VWF: variants seen among roughly 807,000 people sequenced by gnomAD.
The protein encoded by VWF is Factor VIII related antigen.
A neutral mutation model predicts 308.6 loss-of-function variants in VWF; 176 were observed. That is an observed-to-expected ratio of 0.57 (90% CI 0.50 to 0.65). The LOEUF (loss-of-function observed/expected upper bound fraction) is 0.65, where lower values mean the gene tolerates loss of function less well. VWF is among the 30% of genes least tolerant of loss of function. VWF has a pLI of 0.00. For missense variants in VWF, 3,146 were observed against 3,648.2 expected (o/e 0.86, Z 3.55); for synonymous variants, 1,385 against 1,443.4 (o/e 0.96, Z 0.92).
intron 2 of VWF, among the ~76,000 whole-genome samples, chr12:6,122,088 A>T (rs889294221): frequency 3.5e-4 from 53 of 152,182 alleles, no homozygotes; most frequent in Admixed American, 6.5e-5. Flanking sequence ...TAAATTGGTG[A>T]CCAACTTGTG....
At chr12:5,951,240 G>C (rs1943186603) in intron 50 of VWF, among the ~76,000 whole-genome samples, 1 of 152,176 alleles carries the variant, frequency 6.6e-6, no homozygotes, top group Non-Finnish European at 1.5e-5. Context: ...CTCCAAAGCT[G>C]CTGCTGTGAG....
chr12:6,056,205 G>A (rs1944576682), intron 15 of VWF, among the ~76,000 whole-genome samples: 1 of 141,084 alleles, frequency 7.1e-6, no homozygotes, highest in Non-Finnish European at 1.5e-5. Flanking sequence ...AGTAAGTTTG[G>A]AGTTCCACAT....
Position 6,016,193 on chromosome 12 carries a change from T to A in VWF, c.5351A>T (p.Glu1784Val). Residue 1784 changes from glutamate to valine, a missense_variant, in exon 31 of 52, where the codon GAA becomes GTA. Physicochemically the swap from Glu to Val is moderately radical, Grantham distance 121. Around this residue, in one of 3 missense-constraint regions of VWF, gnomAD observed 853 missense variants for 1,177.8 expected, o/e 0.72. Transcript: ENST00000261405. ...LGFAVRYLTSEMHGARPGASK... is the reference protein window; with the variant it reads ...LGFAVRYLTSVMHGARPGASK... ...GGCTCCCGGCCTGGCACCATGCATTTCTGAAGTCAAGTATCGCACAGCAAA... is the reference window on the plus strand; with the variant it reads ...GGCTCCCGGCCTGGCACCATGCATTACTGAAGTCAAGTATCGCACAGCAAA... 6.2e-7 allele frequency: 1 copy of A among 1,614,164 alleles called. No homozygotes were observed. Among genetic ancestry groups the A allele is most frequent in the South Asian group, 1.1e-5 (1 of 91,076 alleles).
chr12:6,011,756 G>T lies in VWF; in HGVS notation c.5703C>A (p.Thr1901=), dbSNP rs779743771. The change falls in exon 34 of 52, where the codon ACC becomes ACA. Residue 1901 remains threonine, a synonymous_variant. Transcript: ENST00000261405. Reference sequence around the variant, plus strand: ...TCTGGCCATCTGGCTGGCAAGTCACGGTGTGGCACTGGTCTGGCAAGGTCC... The same window carrying T: ...TCTGGCCATCTGGCTGGCAAGTCACTGTGTGGCACTGGTCTGGCAAGGTCC... ...DVWTLPDQCH[T]VTCQPDGQTL... is the part of the protein sequence containing the mutation. 4 of 1,613,210 alleles carry T rather than the reference G, an allele frequency of 2.5e-6. No individual in the cohort carries two copies. In the African/African-American group the frequency reaches 5.3e-5, roughly 22 times the overall value.
At position 6,036,769 on chromosome 12, in the gene VWF, G is replaced by C. The variant is rs181566589; in HGVS notation, c.2443-278C>G. ...GACACTGACTGCCCTCTGCCCTCTC[G>C]TGCCCTGCTGGGGCACTGTAACCTG... On this transcript the variant is annotated intron_variant, in intron 18 of 51. Transcript: ENST00000261405. Among the ~76,000 whole-genome samples, 539 of 152,280 alleles carry C rather than the reference G, an allele frequency of 3.5e-3. 1 individual carries two copies. The highest frequency in any genetic ancestry group is 0.012 in the African/African-American group (498 of 41,552).
In VWF at chr12:6,024,804, A is replaced by T. The variant is rs1944171534; in HGVS notation, c.3222+776T>A. 6.6e-6 allele frequency among the ~76,000 whole-genome samples: 1 copy of T among 152,196 alleles called. No individual in the cohort carries two copies. Among genetic ancestry groups the T allele is most frequent in the Admixed American group, 6.5e-5 (1 of 15,280 alleles). ...TTTGGGAGGCCGAGGTGGGTAGATC[A>T]CCTGAGTCAGGAGTTCAAGGCCAGC... On this transcript the variant is annotated intron_variant, in intron 24 of 51. Transcript: ENST00000261405. The surrounding 1 kb of genome is among the most constrained non-coding windows in gnomAD (Gnocchi z 4.0).
chr12:6,113,807 G>C (rs140601481), intron 3 of VWF, among the ~76,000 whole-genome samples: 255 of 152,342 alleles, frequency 1.7e-3, no homozygotes, highest in Non-Finnish European at 2.3e-3. Flanking sequence ...CTGGGCCCAA[G>C]ACCAAATCCC....
At chr12:6,026,889 CA>C (rs1321627836) in intron 22 of VWF, among the ~76,000 whole-genome samples, 1 of 152,018 alleles carries the variant, frequency 6.6e-6, no homozygotes, top group Non-Finnish European at 1.5e-5. Flanking sequence ...TAAATACATA[CA>C]GTTAAATGTC....
intron 6 of VWF, among the ~76,000 whole-genome samples, chr12:6,085,571 G>C (rs1284870818): frequency 6.6e-6 from 1 of 152,114 alleles, no homozygotes; most frequent in Non-Finnish European, 1.5e-5. Context: ...TTATGTTAGG[G>C]AGGCCTTTGA....
chr12:5,969,155 A>G, intron 45 of VWF, 56 bp downstream of exon 45: 1 of 1,563,776 alleles, frequency 6.4e-7, no homozygotes, highest in African/African-American at 1.4e-5. Flanking sequence ...CAAAAGTGGA[A>G]AGAGAGGCTT....
At chr12:6,026,193 C>T (rs1223126290) in intron 22 of VWF, 147 bp from the exon 23 acceptor site, 1 of 1,152,248 alleles carries the variant, frequency 8.7e-7, no homozygotes. Context: ...CAGAGGAGGC[C>T]CGAGGTGAGC....
At chr12:6,023,520 C>A (rs1356335834) in intron 25 of VWF, 111 bp downstream of exon 25, 2 of 1,506,856 alleles carry the variant, frequency 1.3e-6, no homozygotes, top group East Asian at 2.3e-5. Context: ...CCTACTAACA[C>A]TCTGTCTTCT....
At chr12:6,099,109 C>G (rs1423870990) in intron 5 of VWF, among the ~76,000 whole-genome samples, 1 of 151,974 alleles carries the variant, frequency 6.6e-6, no homozygotes, top group African/African-American at 2.4e-5. Context: ...CACTTGAGGT[C>G]AAGAGTTCAA....
At chr12:5,997,482 T>C (rs1943819069) in intron 34 of VWF, among the ~76,000 whole-genome samples, 1 of 152,158 alleles carries the variant, frequency 6.6e-6, no homozygotes, top group Non-Finnish European at 1.5e-5. Flanking sequence ...TAGGGGTTGG[T>C]TTCTGTTTCA....
rs1943786522 is a variant in VWF at position 5,994,553 on chromosome 12, C to T, written c.6118G>A (p.Val2040Ile). The T allele has an allele frequency of 6.2e-7, 1 of 1,613,914 alleles. No homozygotes were observed. The highest frequency in any genetic ancestry group is 8.5e-7 in the Non-Finnish European group (1 of 1,179,908). ...TGCATGATGGCACCATAAACGTTGACTTCCATGTTCCCACCCACGTAAGGA... is the reference window on the plus strand; with the variant it reads ...TGCATGATGGCACCATAAACGTTGATTTCCATGTTCCCACCCACGTAAGGA... ...SVPYVGGNME[V>I]NVYGAIMHEV... Residue 2040 changes from valine (V) to isoleucine (I), a missense_variant, in exon 36 of 52, where the codon GTC becomes ATC. By Grantham distance (29) the Val-to-Ile change is conservative. Around this residue, in one of 3 missense-constraint regions of VWF, gnomAD observed 989 missense variants for 1,117.4 expected, o/e 0.89. Coordinates refer to ENST00000261405, the MANE Select transcript of VWF (RefSeq NM_000552.5).
chr12:6,106,167 G>C (rs1433561420), intron 5 of VWF, among the ~76,000 whole-genome samples: 1 of 152,206 alleles, frequency 6.6e-6, no homozygotes, highest in South Asian at 2.1e-4. Context: ...TGGATAAATG[G>C]ATAAGCAAAG....
At chr12:5,974,212 A>G (rs1013008997) in intron 43 of VWF, among the ~76,000 whole-genome samples, 1 of 133,800 alleles carries the variant, frequency 7.5e-6, no homozygotes, top group Admixed American at 7.2e-5. Context: ...ACCATCTGTA[A>G]CTTACTTAAG....
chr12:6,012,878 T>C (rs1170979524), intron 32 of VWF, among the ~76,000 whole-genome samples: 1 of 152,010 alleles, frequency 6.6e-6, no homozygotes, highest in Non-Finnish European at 1.5e-5. Context: ...ATTTTTTGTA[T>C]TTTTAGTAGA....
chr12:5,948,999 T>G lies in VWF; in HGVS notation c.*16A>C. On this transcript the variant is annotated 3_prime_UTR_variant, in exon 52 of 52. Transcript: ENST00000261405. This position sits in a 1 kb window ranked among gnomAD's most constrained non-coding sequence, Gnocchi z 4.4. ...CAAGGCAGGCAGCAGCAGGCACCCA[T>G]GCAGCTGCAGCAGCCTCACTTGCTG... 1 of 1,608,398 alleles carries G rather than the reference T, an allele frequency of 6.2e-7. No individual in the cohort carries two copies. Among genetic ancestry groups the G allele is most frequent in the Non-Finnish European group, 8.5e-7 (1 of 1,177,694 alleles).
Sources: allele counts gnomAD v4.1 joint callset (sites outside exome capture counted in the v4.1 genomes callset), GRCh38; gene constraint gnomAD v4.1.1; regional missense constraint gnomAD v4.1.1; non-coding constraint Gnocchi (gnomAD v3.1); transcripts MANE v1.5; gene names NCBI Gene and HGNC (gene_info 2026-07-23, HGNC 2026-07-21).